ZNF354C: variants seen among roughly 807,000 people sequenced by gnomAD.
The protein encoded by ZNF354C is KRAB-zinc finger protein synten.
A neutral mutation model predicts 12.4 loss-of-function variants in ZNF354C; 7 were observed. The ratio of observed to expected loss-of-function variants is 0.56; its 90% confidence interval spans 0.32 to 1.06. The LOEUF (loss-of-function observed/expected upper bound fraction) is 1.06. ZNF354C is among the 50% of genes least tolerant of loss of function. The probability of loss-of-function intolerance (pLI) is 0.04; values close to 1 mark genes in which losing one functional copy is unlikely to be tolerated. For synonymous variants in ZNF354C, 202 were observed against 224.5 expected (o/e 0.90, Z 0.90); for missense variants, 609 against 658.0 (o/e 0.93, Z 0.81).
intron 2 of ZNF354C, among the ~76,000 whole-genome samples, chr5:179,073,977 G>A (rs1403292684): frequency 6.6e-6 from 1 of 151,176 alleles, no homozygotes; most frequent in African/African-American, 2.4e-5. Flanking sequence ...GTAAGTTTTT[G>A]TTGTTGTTGT....
intron 2 of ZNF354C, among the ~76,000 whole-genome samples, chr5:179,067,912 C>T (rs1336701601): frequency 6.6e-6 from 1 of 151,868 alleles, no homozygotes; most frequent in African/African-American, 2.4e-5. Flanking sequence ...GTAATTTCAG[C>T]TCTTTGGGAA....
chr5:179,074,217 G>A (rs545199596), intron 2 of ZNF354C, among the ~76,000 whole-genome samples: 6 of 151,964 alleles, frequency 3.9e-5, no homozygotes, highest in East Asian at 1.9e-4. Flanking sequence ...TCTTGACCTC[G>A]TGATCCGCCC....
At chr5:179,061,931 TG>T in intron 1 of ZNF354C, 83 bp from the exon 2 acceptor site, 2 of 924,916 alleles carry the variant, frequency 2.2e-6, no homozygotes, top group Non-Finnish European at 3.6e-6. Context: ...TGAGACCTGA[TG>T]GACATTATGG....
At chr5:179,064,231 TTTG>T (rs922460607) in intron 2 of ZNF354C, among the ~76,000 whole-genome samples, 3 of 151,998 alleles carry the variant, frequency 2.0e-5, no homozygotes, top group Admixed American at 6.6e-5. Context: ...TTTGTGGGTT[TTTG>T]TTGTTGTTGT....
At chr5:179,074,498 A>G (rs920871956) in intron 2 of ZNF354C, among the ~76,000 whole-genome samples, 2 of 152,074 alleles carry the variant, frequency 1.3e-5, no homozygotes, top group African/African-American at 4.8e-5. Context: ...ATGGCTTGCA[A>G]CTGGCCTAAA....
intron 2 of ZNF354C, among the ~76,000 whole-genome samples, chr5:179,074,738 G>T (rs549424534): frequency 6.6e-6 from 1 of 152,070 alleles, no homozygotes; most frequent in African/African-American, 2.4e-5. Flanking sequence ...ACATGAATAC[G>T]CTCAGTGAAG....
chr5:179,078,905 GA>G lies in ZNF354C; in HGVS notation c.476del (p.Asn159ThrfsTer25). 6.2e-7 allele frequency: 1 copy of G among 1,614,122 alleles called. No homozygotes were observed. The highest frequency in any genetic ancestry group is 8.5e-7 in the Non-Finnish European group (1 of 1,180,000). On this transcript the variant is annotated frameshift_variant, in exon 5 of 5. Coordinates refer to ENST00000315475, the MANE Select transcript of ZNF354C (RefSeq NM_014594.3). LOFTEE classifies it low-confidence loss of function (END_TRUNC). ...DSHEKTISED[G>X]NHTSLELGKS... ...CATGAGAAAACCATCAGTGAAGATG[GA>G]AACCATACAAGTCTTGAATTGGGGA...
chr5:179,079,114 A>G lies in ZNF354C; in HGVS notation c.682A>G (p.Asn228Asp). 1 of 1,613,934 alleles carries G rather than the reference A, an allele frequency of 6.2e-7. No homozygotes were observed. Among genetic ancestry groups the G allele is most frequent in the Non-Finnish European group, 8.5e-7 (1 of 1,180,026 alleles). The change falls in exon 5 of 5, where the codon AAT (asparagine) becomes GAT (aspartate). Residue 228 changes from asparagine (N) to aspartate (D), a missense_variant. Physicochemically the swap from Asn to Asp is conservative, Grantham distance 23 (BLOSUM62 1). Transcript: ENST00000315475. The surrounding 1 kb of genome is among the most constrained non-coding windows in gnomAD (Gnocchi z 4.2). ...TGAATGTGGGAAGAGCTTCAAGCAG[A>G]ATCTGCATCTTATTGAACATCAGAG... ...CNECGKSFKQ[N>D]LHLIEHQRIH... is the part of the protein sequence containing the mutation.
rs114770684 is a variant in ZNF354C at position 179,066,746 on chromosome 5, T to C, written c.27+4651T>C. Among the ~76,000 whole-genome samples, 1,108 of 152,314 alleles carry C rather than the reference T, an allele frequency of 7.3e-3. 14 individuals are homozygous for C. The highest frequency in any genetic ancestry group is 0.024 in the African/African-American group (1,016 of 41,576). On this transcript the variant is annotated intron_variant, in intron 2 of 4. Transcript: ENST00000315475. The stretch of plus-strand genomic sequence containing the variant: ...TTATCCTTGTTCTCTATAGGTAAGA[T>C]CTTTTTCCCTGTCTTCTTTCAAGAT...
Position 179,081,073 on chromosome 5 carries a change from C to T in ZNF354C, c.*976C>T, listed in dbSNP as rs1762221192. Reference sequence around the variant, plus strand: ...TTTTGTGATCATTATAGGCTCGTTTCCAACCTGAGGTCCCAAGAGTACTAT... The same window carrying T: ...TTTTGTGATCATTATAGGCTCGTTTTCAACCTGAGGTCCCAAGAGTACTAT... On this transcript the variant is annotated 3_prime_UTR_variant, in exon 5 of 5. Coordinates refer to ENST00000315475, the MANE Select transcript of ZNF354C (RefSeq NM_014594.3). 6.6e-6 allele frequency: 1 copy of T among 152,134 alleles called. No homozygotes were observed. Among genetic ancestry groups the T allele is most frequent in the South Asian group, 2.1e-4 (1 of 4,826 alleles). The allele number at this position is 152,134 out of a possible 1,614,324, so 9.4% of individuals were successfully genotyped here.
chr5:179,067,171 T>A (rs1488308580), intron 2 of ZNF354C, among the ~76,000 whole-genome samples: 1 of 152,196 alleles, frequency 6.6e-6, no homozygotes, highest in African/African-American at 2.4e-5. Context: ...CTGAGAGATT[T>A]AAAGACTAAA....
Position 179,082,546 on chromosome 5 carries a change from T to C in ZNF354C, c.*2449T>C, listed in dbSNP as rs1195648846. ...AACACGAGGAAGCTGTTAAAACTGG[T>C]GTAATAGCTCAAAAGAACTAAGTAT... On this transcript the variant is annotated 3_prime_UTR_variant, in exon 5 of 5. Coordinates refer to ENST00000315475, the MANE Select transcript of ZNF354C (RefSeq NM_014594.3). 7 of 743,978 alleles carry C rather than the reference T, an allele frequency of 9.4e-6. No homozygotes were observed. In the Admixed American group the frequency reaches 9.5e-5, roughly 10 times the overall value. 46.1% of individuals were successfully genotyped at this position (743,978 alleles called of 1,614,324 possible). A position where few individuals can be genotyped will look rare whatever the true frequency, so the allele number is the denominator to read the frequency against.
At chr5:179,073,297 T>C (rs1409507369) in intron 2 of ZNF354C, among the ~76,000 whole-genome samples, 4 of 152,186 alleles carry the variant, frequency 2.6e-5, no homozygotes, top group African/African-American at 9.7e-5. Flanking sequence ...AAAAGGAAGT[T>C]ATGTAAGTTA....
At chr5:179,073,652 G>GT in intron 2 of ZNF354C, among the ~76,000 whole-genome samples, 1 of 151,980 alleles carries the variant, frequency 6.6e-6, no homozygotes, top group African/African-American at 2.4e-5. Context: ...GTTTTTTGTT[G>GT]TTGTTGTTTT....
At position 179,083,723 on chromosome 5, in the gene ZNF354C, C is replaced by A. The variant is rs1400587468; in HGVS notation, c.*3626C>A. Among the ~76,000 whole-genome samples, 3 of 152,146 alleles carry A rather than the reference C, an allele frequency of 2.0e-5. No homozygotes were observed. Among genetic ancestry groups the A allele is most frequent in the Non-Finnish European group, 4.4e-5 (3 of 68,020 alleles). ...TGCTAAATGTAACTAAGGCATGGAGCAGCTGTCTGGGGACCCTCAAAAGTA... is the reference window on the plus strand; with the variant it reads ...TGCTAAATGTAACTAAGGCATGGAGAAGCTGTCTGGGGACCCTCAAAAGTA... On this transcript the variant is annotated 3_prime_UTR_variant, in exon 5 of 5. Coordinates refer to ENST00000315475, the MANE Select transcript of ZNF354C (RefSeq NM_014594.3).
At chr5:179,072,814 G>C (rs1022298992) in intron 2 of ZNF354C, among the ~76,000 whole-genome samples, 1 of 152,118 alleles carries the variant, frequency 6.6e-6, no homozygotes, top group African/African-American at 2.4e-5. Flanking sequence ...AAATTATTGA[G>C]ATAACTTGCA....
At position 179,064,705 on chromosome 5, in the gene ZNF354C, C is replaced by T. The variant is rs542553633; in HGVS notation, c.27+2610C>T. On this transcript the variant is annotated intron_variant, in intron 2 of 4. Transcript: ENST00000315475. Reference sequence around the variant, plus strand: ...CTGGGATTACAGGTGTGAGCCACCGCGCCCGGCCTATGTAACCCTTTTGAT... The same window carrying T: ...CTGGGATTACAGGTGTGAGCCACCGTGCCCGGCCTATGTAACCCTTTTGAT... 1.3e-4 allele frequency among the ~76,000 whole-genome samples: 19 copies of T among 151,978 alleles called. No homozygotes were observed. In the East Asian group the frequency reaches 1.4e-3, roughly 11 times the overall value.
Position 179,081,410 on chromosome 5 carries a change from T to G in ZNF354C, c.*1313T>G, listed in dbSNP as rs1053684585. ...TTATTAAGCATTCCTTTCATCAGTT[T>G]AAATGTTTAATTCCTCCCAGGCGTT... On this transcript the variant is annotated 3_prime_UTR_variant, in exon 5 of 5. Transcript: ENST00000315475. The G allele has an allele frequency of 6.6e-6, 1 of 152,272 alleles. No homozygotes were observed. Among genetic ancestry groups the G allele is most frequent in the East Asian group, 1.9e-4 (1 of 5,188 alleles). 9.4% of individuals were successfully genotyped at this position (152,272 alleles called of 1,614,324 possible). A position where few individuals can be genotyped will look rare whatever the true frequency, so the allele number is the denominator to read the frequency against.
rs1304727126 is a variant in ZNF354C at position 179,079,295 on chromosome 5, T to C, written c.863T>C (p.Ile288Thr). 1.2e-6 allele frequency: 2 copies of C among 1,614,016 alleles called. No homozygotes were observed. The highest frequency in any genetic ancestry group is 2.2e-5 in the East Asian group (1 of 44,882). The change falls in exon 5 of 5, where the codon ATC becomes ACC. Residue 288 changes from isoleucine (I) to threonine (T), a missense_variant. Physicochemically the swap from Ile to Thr is moderately conservative, Grantham distance 89. Transcript: ENST00000315475. This position sits in a 1 kb window ranked among gnomAD's most constrained non-coding sequence, Gnocchi z 4.2. ...EKAFSNSSTLIKHLRVHTGEK... is the reference protein window; with the variant it reads ...EKAFSNSSTLTKHLRVHTGEK... ...GCATTTAGCAACAGTTCAACCCTTA[T>C]CAAACATCTGAGAGTGCATACTGGA... is the stretch of plus-strand genomic sequence containing the variant.
Sources: allele counts gnomAD v4.1 joint callset (sites outside exome capture counted in the v4.1 genomes callset), GRCh38; gene constraint gnomAD v4.1.1; non-coding constraint Gnocchi (gnomAD v3.1); transcripts MANE v1.5; gene names NCBI Gene and HGNC (gene_info 2026-07-23, HGNC 2026-07-21).